The following VWA5A variants were observed in gnomAD, a reference collection of about 807,000 sequenced individuals.
VWA5A encodes the protein von Willebrand factor A domain-containing protein 5A.
A neutral mutation model predicts 84.6 loss-of-function variants in VWA5A; 77 were observed. The observed-to-expected ratio is 0.91, with a 90% CI of 0.76 to 1.10. VWA5A has a LOEUF of 1.10. Among genes scored for constraint, VWA5A ranks in the 50% least tolerant of loss-of-function variants. The pLI is 0.00. For missense variants in VWA5A, 973 were observed against 963.0 expected (o/e 1.01, Z -0.14); for synonymous variants, 334 against 350.1 (o/e 0.95, Z 0.51).
Position 124,118,519 on chromosome 11 carries a change from G to T in VWA5A, c.470-14G>T. 6.2e-7 allele frequency: 1 copy of T among 1,613,504 alleles called. No individual in the cohort carries two copies. ...TGTTGGCAAGGAAAACAGAACTAAG[G>T]TCATCTTTTATAGGGTCGTCTAAGG... On this transcript the variant is annotated splice_polypyrimidine_tract_variant and intron_variant, in intron 5 of 18. Transcript: ENST00000456829.
At chr11:124,124,132 C>T in intron 10 of VWA5A, 105 bp from the exon 11 acceptor site, 1 of 1,088,034 alleles carries the variant, frequency 9.2e-7, no homozygotes, top group Non-Finnish European at 1.4e-6. Context: ...TTTGAAGAGG[C>T]ACCAGAGCCT....
chr11:124,145,184 C>T, intron 17 of VWA5A, 53 bp from the exon 18 acceptor site: 2 of 1,550,606 alleles, frequency 1.3e-6, no homozygotes, highest in South Asian at 1.2e-5. Context: ...AAGCTTTTTG[C>T]ATCCTTTTGA....
chr11:124,137,111 C>A lies in VWA5A; in HGVS notation c.1722C>A (p.Asn574Lys). ...CAAGTGATAAAAAAGATGCATTGAA[C>A]CTTAGCCTTGAGTCTGGTGTCATAA... Reference protein sequence around the residue: ...TPASDKKDALNLSLESGVISS... With the variant: ...TPASDKKDALKLSLESGVISS... Residue 574 changes from asparagine (N) to lysine (K), a missense_variant, in exon 15 of 19, where the codon AAC (asparagine) becomes AAA (lysine). Coordinates refer to ENST00000456829, the MANE Select transcript of VWA5A (RefSeq NM_001130142.2). The A allele has an allele frequency of 6.2e-7, 1 of 1,613,880 alleles. No homozygotes were observed. The highest frequency in any genetic ancestry group is 8.5e-7 in the Non-Finnish European group (1 of 1,179,994).
chr11:124,136,997 T>G lies in VWA5A; in HGVS notation c.1626-18T>G. 6.3e-7 allele frequency: 1 copy of G among 1,581,596 alleles called. No homozygotes were observed. The highest frequency in any genetic ancestry group is 8.6e-7 in the Non-Finnish European group (1 of 1,159,888). On this transcript the variant is annotated intron_variant, in intron 14 of 18. Transcript: ENST00000456829. ...TGTCTTTCCCTACATTTCAGTACTT[T>G]TTTTTTTTTCCTTTCAGCCTCACCA...
intron 11 of VWA5A, among the ~76,000 whole-genome samples, chr11:124,132,531 T>A (rs1322924653): frequency 6.6e-6 from 1 of 152,144 alleles, no homozygotes; most frequent in Admixed American, 6.5e-5. Context: ...TGAAGTTCTT[T>A]GCATGAAATT....
chr11:124,117,985 A>T, intron 4 of VWA5A, 110 bp downstream of exon 4: 2 of 1,390,622 alleles, frequency 1.4e-6, no homozygotes, highest in Non-Finnish European at 2.0e-6. Context: ...AAACATGCTG[A>T]TGTTGAAAGC....
Position 124,141,714 on chromosome 11 carries a change from A to G in VWA5A, c.1996A>G (p.Ile666Val), listed in dbSNP as rs780692610. Residue 666 changes from isoleucine to valine, a missense_variant, in exon 16 of 19, where the codon ATA becomes GTA. Transcript: ENST00000456829. ...QMDDYSLCGLISHKDQHSPGF... is the reference protein window; with the variant it reads ...QMDDYSLCGLVSHKDQHSPGF... Reference sequence around the variant, plus strand: ...GGACGATTACAGTCTCTGTGGGTTGATAAGTCACAAGGACCAGCACAGTCC... The same window carrying G: ...GGACGATTACAGTCTCTGTGGGTTGGTAAGTCACAAGGACCAGCACAGTCC... 8.7e-6 allele frequency: 14 copies of G among 1,614,088 alleles called. No individual in the cohort carries two copies. The highest frequency in any genetic ancestry group is 1.1e-5 in the Non-Finnish European group (13 of 1,180,036).
chr11:124,144,002 A>G (rs182392543), intron 17 of VWA5A, among the ~76,000 whole-genome samples: 1 of 152,138 alleles, frequency 6.6e-6, no homozygotes, highest in African/African-American at 2.4e-5. Context: ...TCAAACATGA[A>G]ACAGATTTTT....
At chr11:124,135,570 G>C (rs1347335832) in intron 12 of VWA5A, among the ~76,000 whole-genome samples, 1 of 113,880 alleles carries the variant, frequency 8.8e-6, no homozygotes, top group Non-Finnish European at 1.6e-5. Flanking sequence ...TCGCTCTGTC[G>C]CCCAGGCTGG....
chr11:124,120,084 A>T (rs1864907377), intron 7 of VWA5A, among the ~76,000 whole-genome samples: 1 of 152,228 alleles, frequency 6.6e-6, no homozygotes, highest in Non-Finnish European at 1.5e-5. Flanking sequence ...GGTCTTCAGG[A>T]CATTCACCTT....
intron 17 of VWA5A, among the ~76,000 whole-genome samples, chr11:124,143,981 A>G (rs549430529): frequency 6.6e-6 from 1 of 152,114 alleles, no homozygotes; most frequent in Admixed American, 6.5e-5. Context: ...GCGCTGAATG[A>G]TGAATTGATT....
chr11:124,144,472 A>T (rs1346416869), intron 17 of VWA5A, among the ~76,000 whole-genome samples: 2 of 152,208 alleles, frequency 1.3e-5, no homozygotes, highest in Non-Finnish European at 2.9e-5. Context: ...TAGGAGAACA[A>T]GCGTGGGGAT....
In VWA5A at chr11:124,141,664, G is replaced by T; in HGVS notation, c.1946G>T (p.Cys649Phe). The T allele has an allele frequency of 6.2e-7, 1 of 1,614,138 alleles. No homozygotes were observed. The highest frequency in any genetic ancestry group is 2.2e-5 in the East Asian group (1 of 44,876). ...SASQPRGELM[C>F]YKAKTFQMDD... ...TCTCAGCCCAGAGGGGAACTTATGTGTTATAAGGCCAAGACATTCCAGATG... is the reference window on the plus strand; with the variant it reads ...TCTCAGCCCAGAGGGGAACTTATGTTTTATAAGGCCAAGACATTCCAGATG... Residue 649 changes from cysteine (C) to phenylalanine (F), a missense_variant, in exon 16 of 19, where the codon TGT (cysteine) becomes TTT (phenylalanine). Cys to Phe is a radical substitution (Grantham distance 205, BLOSUM62 -2). Transcript: ENST00000456829.
At chr11:124,135,129 T>G in intron 12 of VWA5A, 95 bp downstream of exon 12, 1 of 988,552 alleles carries the variant, frequency 1.0e-6, no homozygotes, top group South Asian at 1.8e-5. Context: ...GGGTAGCAAC[T>G]TTCCTCCAGG....
Position 124,147,567 on chromosome 11 carries a change from T to C in VWA5A, c.*1622T>C, listed in dbSNP as rs1212973391. 2 of 152,216 alleles carry C rather than the reference T, an allele frequency of 1.3e-5. No individual in the cohort carries two copies. Among genetic ancestry groups the C allele is most frequent in the Non-Finnish European group, 2.9e-5 (2 of 68,040 alleles). The allele number at this position is 152,216 out of a possible 1,614,324, so 9.4% of individuals were successfully genotyped here. ...CTGAATGTGATCTGCGGAACAGGGT[T>C]GTTAGAAATGCAGCTTTTTAGAAAT... On this transcript the variant is annotated 3_prime_UTR_variant, in exon 19 of 19. Transcript: ENST00000456829.
chr11:124,134,866 T>C, intron 11 of VWA5A, 54 bp from the exon 12 acceptor site: 1 of 1,407,300 alleles, frequency 7.1e-7, no homozygotes, highest in Non-Finnish European at 9.7e-7. Flanking sequence ...GTATTAATTT[T>C]ATATTTTCAC....
chr11:124,117,329 C>T (rs1270368936), intron 2 of VWA5A, 168 bp from the exon 3 acceptor site: 4 of 669,342 alleles, frequency 6.0e-6, no homozygotes, highest in Admixed American at 2.4e-5. Flanking sequence ...TTTAAAAGGA[C>T]CCTTATGACT....
chr11:124,124,868 C>T (rs1864994938), intron 11 of VWA5A: 1 of 152,224 alleles, frequency 6.6e-6, no homozygotes, highest in South Asian at 2.1e-4. Context: ...TATTTCTTTC[C>T]TTTCAGCAGT....
chr11:124,123,257 A>G, intron 8 of VWA5A, 109 bp from the exon 9 acceptor site: 1 of 1,514,796 alleles, frequency 6.6e-7, no homozygotes, highest in South Asian at 1.3e-5. Flanking sequence ...TTGGAATGTA[A>G]GAAGGCACAA....
Sources: gnomAD v4.1 joint callset for allele counts (sites outside exome capture counted in the v4.1 genomes callset) on GRCh38, gnomAD v4.1.1 for gene constraint, MANE v1.5 for transcripts, NCBI Gene and HGNC (gene_info 2026-07-23, HGNC 2026-07-21) for gene names.